CNTNAP2: variants seen among roughly 807,000 people sequenced by gnomAD.
CNTNAP2 encodes contactin-associated protein-like 2.
CNTNAP2 carries 98 observed loss-of-function variants against 155.2 expected under a neutral mutation model. That is an observed-to-expected ratio of 0.63 (90% CI 0.54 to 0.75). The LOEUF is 0.75. Among genes scored for constraint, CNTNAP2 ranks in the 30% least tolerant of loss-of-function variants. CNTNAP2 has a pLI of 0.00. For missense variants in CNTNAP2, 1,727 were observed against 1,688.1 expected, an observed-to-expected ratio of 1.02 and a Z score of -0.40; for synonymous variants, 651 against 631.2, an observed-to-expected ratio of 1.03 and a Z score of -0.47.
intron 10 of CNTNAP2, among the ~76,000 whole-genome samples, chr7:147,450,263 A>T (rs1797808565): frequency 1.3e-5 from 2 of 152,266 alleles, no homozygotes; most frequent in African/African-American, 4.8e-5. Context: ...GGAGATATCC[A>T]TGTGAGATGC....
rs888698637 is a variant in CNTNAP2, at chr7:146,507,625, C to T, written c.98-266646C>T. Among the ~76,000 whole-genome samples, 8 of 152,126 alleles carry T rather than the reference C, an allele frequency of 5.3e-5. No homozygotes were observed. The East Asian group carries it at 5.8e-4, about 11-fold the overall frequency. On this transcript the variant is annotated intron_variant, in intron 1 of 23. Transcript: ENST00000361727. ...TTATTAATGATGGCCTCTGGTATGG[C>T]GTTCGTCTTACCCAACCAGATAACT...
intron 1 of CNTNAP2, among the ~76,000 whole-genome samples, chr7:146,233,612 C>G (rs1799422021): frequency 6.6e-6 from 1 of 152,136 alleles, no homozygotes; most frequent in Admixed American, 6.5e-5. Flanking sequence ...CTATCCCTCC[C>G]CCTTCCCCCC....
At chr7:147,542,243 C>A (rs943885536) in intron 11 of CNTNAP2, among the ~76,000 whole-genome samples, 1 of 151,712 alleles carries the variant, frequency 6.6e-6, no homozygotes, top group African/African-American at 2.4e-5. Context: ...ATATCCTTTT[C>A]CTTTCTTCTT....
At chr7:146,127,093 C>T (rs1171760994) in intron 1 of CNTNAP2, among the ~76,000 whole-genome samples, 1 of 152,180 alleles carries the variant, frequency 6.6e-6, no homozygotes, top group East Asian at 1.9e-4. Context: ...CCAACATTTG[C>T]ACCCTATAAT....
chr7:147,944,851 T>C (rs147062178), intron 14 of CNTNAP2, among the ~76,000 whole-genome samples: 2,490 of 152,328 alleles, frequency 0.016, 30 homozygotes, highest in Non-Finnish European at 0.025. Context: ...TACCTCACTT[T>C]GTAGATAATC....
intron 13 of CNTNAP2, among the ~76,000 whole-genome samples, chr7:147,882,581 G>A (rs17827125): frequency 0.038 from 5,793 of 152,268 alleles, 185 homozygotes; most frequent in Middle Eastern, 0.061. Context: ...TGCCGACCTA[G>A]TGGGACCAGA....
chr7:148,368,684 G>A (rs563811274), intron 21 of CNTNAP2, among the ~76,000 whole-genome samples: 1 of 152,162 alleles, frequency 6.6e-6, no homozygotes, highest in Non-Finnish European at 1.5e-5. Context: ...CAAGAGCCAA[G>A]CTACCCGAGT....
At chr7:147,491,975 C>T (rs10242834) in intron 11 of CNTNAP2, among the ~76,000 whole-genome samples, 43,592 of 152,000 alleles carry the variant, frequency 0.29, 6,388 homozygotes, top group East Asian at 0.43. Context: ...TTAAGATGCC[C>T]CATTCATTAC....
At chr7:147,803,972 T>C (rs557008342) in intron 13 of CNTNAP2, among the ~76,000 whole-genome samples, 1 of 152,340 alleles carries the variant, frequency 6.6e-6, no homozygotes, top group African/African-American at 2.4e-5. Context: ...CGAATGTAAG[T>C]TCCTCTGTGG....
chr7:146,826,753 C>T (rs1803408028), intron 2 of CNTNAP2, among the ~76,000 whole-genome samples: 2 of 150,932 alleles, frequency 1.3e-5, no homozygotes, highest in African/African-American at 4.9e-5. Context: ...AGGATTTCTC[C>T]AAGATAATTG....
chr7:146,556,069 G>C (rs1051428472), intron 1 of CNTNAP2, among the ~76,000 whole-genome samples: 1 of 152,098 alleles, frequency 6.6e-6, no homozygotes, highest in Non-Finnish European at 1.5e-5. Flanking sequence ...TATCAGCAAC[G>C]TTTATTGGAT....
intron 13 of CNTNAP2, among the ~76,000 whole-genome samples, chr7:147,892,216 A>G (rs1160069264): frequency 6.6e-6 from 1 of 152,264 alleles, no homozygotes; most frequent in African/African-American, 2.4e-5. Context: ...TTTTCTTTAA[A>G]ATCAGGAAGC....
chr7:146,135,453 T>C (rs115763894), intron 1 of CNTNAP2, among the ~76,000 whole-genome samples: 2,459 of 152,216 alleles, frequency 0.016, 46 homozygotes, highest in African/African-American at 0.055. Flanking sequence ...TTTAAATCTA[T>C]GATTCTAGTC....
chr7:146,169,696 C>T (rs935230960), intron 1 of CNTNAP2, among the ~76,000 whole-genome samples: 14 of 151,292 alleles, frequency 9.3e-5, no homozygotes, highest in African/African-American at 3.4e-4. Context: ...TTAGATTTCA[C>T]GTATCAGTGA....
At chr7:148,183,474 G>C (rs1311378993) in intron 18 of CNTNAP2, among the ~76,000 whole-genome samples, 1 of 115,112 alleles carries the variant, frequency 8.7e-6, no homozygotes, top group Non-Finnish European at 1.8e-5. Flanking sequence ...ATACTTATTT[G>C]CTTTTTTTTT....
At chr7:148,165,878 C>T (rs1228158129) in intron 17 of CNTNAP2, among the ~76,000 whole-genome samples, 1 of 152,228 alleles carries the variant, frequency 6.6e-6, no homozygotes, top group Non-Finnish European at 1.5e-5. Context: ...TGACGCCTTT[C>T]ACTCATGAAC....
At chr7:147,492,127 G>A (rs1445008707) in intron 11 of CNTNAP2, among the ~76,000 whole-genome samples, 1 of 152,174 alleles carries the variant, frequency 6.6e-6, no homozygotes, top group Non-Finnish European at 1.5e-5. Flanking sequence ...AGACCAGGGT[G>A]GGGGAAGTGG....
At chr7:146,259,089 G>A (rs559192932) in intron 1 of CNTNAP2, among the ~76,000 whole-genome samples, 5 of 152,046 alleles carry the variant, frequency 3.3e-5, no homozygotes, top group Non-Finnish European at 7.4e-5. Context: ...TCCCCTGCAC[G>A]CTGTCTCTCT....
At chr7:147,617,132 T>G (rs901243775) in intron 12 of CNTNAP2, among the ~76,000 whole-genome samples, 56 of 152,304 alleles carry the variant, frequency 3.7e-4, no homozygotes, top group African/African-American at 1.3e-3. Context: ...AAATTGCTCT[T>G]ATCACCTTCT....
Sources: allele counts gnomAD v4.1 joint callset (sites outside exome capture counted in the v4.1 genomes callset), GRCh38; gene constraint gnomAD v4.1.1; transcripts MANE v1.5; gene names NCBI Gene and HGNC (gene_info 2026-07-23, HGNC 2026-07-21).